ADGRF4: variants seen among roughly 807,000 people sequenced by gnomAD.
The protein encoded by ADGRF4 is G-protein coupled receptor PGR18.
A neutral mutation model predicts 58.5 loss-of-function variants in ADGRF4; 63 were observed. That is an observed-to-expected ratio of 1.08 (90% CI 0.88 to 1.33). The LOEUF (loss-of-function observed/expected upper bound fraction) is 1.33, where lower values mean the gene tolerates loss of function less well. Ranked by LOEUF, ADGRF4 falls within the 40% of genes most tolerant of loss-of-function variation. ADGRF4 has a pLI of 0.00. For synonymous variants in ADGRF4, 313 were observed against 295.4 expected (o/e 1.06, Z -0.61); for missense variants, 931 against 843.9 (o/e 1.10, Z -1.28).
Position 47,716,788 on chromosome 6 carries a change from T to A in ADGRF4, c.1933-18T>A. The A allele has an allele frequency of 6.3e-7, 1 of 1,589,170 alleles. No individual in the cohort carries two copies. The highest frequency in any genetic ancestry group is 8.6e-7 in the Non-Finnish European group (1 of 1,162,308). On this transcript the variant is annotated intron_variant, in intron 6 of 9. Coordinates refer to ENST00000283303, the MANE Select transcript of ADGRF4 (RefSeq NM_153838.5). ...TTTGAAAAACCATCCCTCATGAATC[T>A]GTTCAATTTTGCCACAGGGTTTTTT...
chr6:47,710,648 C>G (rs533909304), intron 3 of ADGRF4, 87 bp from the exon 4 acceptor site: 2 of 1,399,564 alleles, frequency 1.4e-6, no homozygotes, highest in Non-Finnish European at 1.9e-6. Context: ...ATCCAAAAAT[C>G]TCCAGAATGA....
chr6:47,709,480 T>C (rs1376791923), intron 3 of ADGRF4, among the ~76,000 whole-genome samples: 1 of 152,160 alleles, frequency 6.6e-6, no homozygotes, highest in Non-Finnish European at 1.5e-5. Context: ...CTGGCTAGAA[T>C]TACCATATTT....
rs766212816 is a variant in ADGRF4 at position 47,717,309 on chromosome 6, G to T, written c.1992G>T (p.Arg664Ser). Reference protein sequence around the residue: ...IMDHKIRDALRMRMSSLKGKS... With the variant: ...IMDHKIRDALSMRMSSLKGKS... ...TTCTTTAGATAAGAGATGCTTTGAG[G>T]ATGAGGATGTCTTCACTGAAGGGGA... is the stretch of plus-strand genomic sequence containing the variant. The change falls in exon 8 of 10, where the codon AGG becomes AGT. Residue 664 changes from arginine to serine, a missense_variant. Arg to Ser is a moderately radical substitution (Grantham distance 110, BLOSUM62 -1). Transcript: ENST00000283303. The T allele has an allele frequency of 3.7e-6, 6 of 1,611,340 alleles. No individual in the cohort carries two copies. Among genetic ancestry groups the T allele is most frequent in the Non-Finnish European group, 5.1e-6 (6 of 1,177,482 alleles).
chr6:47,714,597 T>G lies in ADGRF4; in HGVS notation c.1352T>G (p.Leu451Arg). 6.2e-7 allele frequency: 1 copy of G among 1,614,192 alleles called. No individual in the cohort carries two copies. Among genetic ancestry groups the G allele is most frequent in the South Asian group, 1.1e-5 (1 of 91,090 alleles). ...ATCGTGAATATAGCAGTGTCCCTTC[T>G]GACTGCCAATGTGTGGTTTATCATA... ...VCIVNIAVSL[L>R]TANVWFIIGS... The change falls in exon 6 of 10, where the codon CTG becomes CGG. Residue 451 changes from leucine to arginine, a missense_variant. Physicochemically the swap from Leu to Arg is moderately radical, Grantham distance 102 (BLOSUM62 -2). Transcript: ENST00000283303.
In ADGRF4 at chr6:47,714,282, G is replaced by T; in HGVS notation, c.1037G>T (p.Arg346Ile). ...AAGATCAATAAAACCCGCAATGCCAGAGCCCAGTGTGTTGGCTGGCACTCC... is the reference window on the plus strand; with the variant it reads ...AAGATCAATAAAACCCGCAATGCCATAGCCCAGTGTGTTGGCTGGCACTCC... Reference protein sequence around the residue: ...FEKINKTRNARAQCVGWHSKK... With the variant: ...FEKINKTRNAIAQCVGWHSKK... Residue 346 changes from arginine (R) to isoleucine (I), a missense_variant, in exon 6 of 10, where the codon AGA becomes ATA. Arg to Ile is a moderately conservative substitution (Grantham distance 97). Transcript: ENST00000283303. 6.2e-7 allele frequency: 1 copy of T among 1,614,208 alleles called. No homozygotes were observed. The highest frequency in any genetic ancestry group is 8.5e-7 in the Non-Finnish European group (1 of 1,180,040).
rs768897472 is a variant in ADGRF4, at chr6:47,714,148, C to T, written c.903C>T (p.Ile301=). 1.2e-6 allele frequency: 2 copies of T among 1,613,912 alleles called. No individual in the cohort carries two copies. Among genetic ancestry groups the T allele is most frequent in the East Asian group, 2.2e-5 (1 of 44,884 alleles). ...ISIAFPTLGA[I]LREAHLQNVS... is the part of the protein sequence containing the mutation. ...TAGCTTTCCCAACCTTGGGGGCTAT[C>T]CTGAGAGAAGCCCACTTGCAAAATG... The change falls in exon 6 of 10, where the codon ATC becomes ATT. Residue 301 remains isoleucine, a synonymous_variant. Transcript: ENST00000283303.
chr6:47,717,764 A>G (rs1407247487), intron 8 of ADGRF4, among the ~76,000 whole-genome samples: 1 of 152,246 alleles, frequency 6.6e-6, no homozygotes, highest in East Asian at 1.9e-4. Context: ...GCTAATCAGT[A>G]GCAGAATCAC....
chr6:47,704,969 C>T (rs1362458373), intron 1 of ADGRF4, among the ~76,000 whole-genome samples: 1 of 152,088 alleles, frequency 6.6e-6, no homozygotes, highest in Non-Finnish European at 1.5e-5. Flanking sequence ...CCATCTGTCA[C>T]TCAGGCTGGA....
At chr6:47,713,346 A>T (rs1411145501) in intron 5 of ADGRF4, among the ~76,000 whole-genome samples, 1 of 152,226 alleles carries the variant, frequency 6.6e-6, no homozygotes, top group Non-Finnish European at 1.5e-5. Context: ...GAGTTAAACA[A>T]AGTTAGGCAA....
At position 47,720,256 on chromosome 6, in the gene ADGRF4, G is replaced by T. The variant is rs1049168156; in HGVS notation, c.*4-953G>T. Among the ~76,000 whole-genome samples the T allele has an allele frequency of 2.0e-5, 3 of 152,188 alleles. No individual in the cohort carries two copies. The South Asian group carries it at 6.2e-4, about 32-fold the overall frequency. On this transcript the variant is annotated intron_variant, in intron 9 of 9. Coordinates refer to ENST00000283303, the MANE Select transcript of ADGRF4 (RefSeq NM_153838.5). The stretch of plus-strand genomic sequence containing the variant: ...TCAGGGCAAAACCCCAGGCACACTG[G>T]GGGTGTTTGGTAAGCACCAGGAGAG...
intron 9 of ADGRF4, among the ~76,000 whole-genome samples, chr6:47,720,501 C>G (rs2113911572): frequency 6.6e-6 from 1 of 152,286 alleles, no homozygotes; most frequent in East Asian, 1.9e-4. Context: ...TTCTTAGAAA[C>G]AGGGTTGAGA....
chr6:47,718,563 G>T, intron 9 of ADGRF4, 118 bp downstream of exon 9: 1 of 704,258 alleles, frequency 1.4e-6, no homozygotes, highest in Admixed American at 2.1e-5. Context: ...GAGGGGAAGA[G>T]GGGGACATCT....
Position 47,714,108 on chromosome 6 carries a change from CCCAAGCCATTAG to C in ADGRF4, c.865_876del (p.Gln289_Ser292del), listed in dbSNP as rs1207057467. 2.5e-6 allele frequency: 4 copies of C among 1,613,866 alleles called. No homozygotes were observed. Among genetic ancestry groups the C allele is most frequent in the Non-Finnish European group, 3.4e-6 (4 of 1,179,972 alleles). On this transcript the variant is annotated inframe_deletion, in exon 6 of 10. Transcript: ENST00000283303. ...CTAAGGAAGCTGTGGCCAAATGCAT[CCCAAGCCATTAG>C]CATAGCTTTCCCAACCTTGGGGGCT...
intron 4 of ADGRF4, among the ~76,000 whole-genome samples, chr6:47,711,225 TAATC>T (rs1347632439): frequency 6.6e-6 from 1 of 152,196 alleles, no homozygotes; most frequent in Non-Finnish European, 1.5e-5. Context: ...GATAATCAGT[TAATC>T]AACTAAATGT....
In ADGRF4 at chr6:47,714,044, G is replaced by C. The variant is rs372713361; in HGVS notation, c.799G>C (p.Glu267Gln). 6.2e-7 allele frequency: 1 copy of C among 1,613,250 alleles called. No individual in the cohort carries two copies. The highest frequency in any genetic ancestry group is 2.2e-5 in the East Asian group (1 of 44,872). ...CTCCATGAGCATGAACAATACCACA[G>C]AAGATATCTTAGGAATGGTACAGAT... is the stretch of plus-strand genomic sequence containing the variant. ...NFSMSMNNTTEDILGMVQIPR... is the reference protein window; with the variant it reads ...NFSMSMNNTTQDILGMVQIPR... The change falls in exon 6 of 10, where the codon GAA becomes CAA. Residue 267 changes from glutamate (E) to glutamine (Q), a missense_variant. Transcript: ENST00000283303.
chr6:47,711,410 G>C (rs1057149464), intron 4 of ADGRF4, among the ~76,000 whole-genome samples: 3 of 152,050 alleles, frequency 2.0e-5, no homozygotes, highest in Admixed American at 1.3e-4. Flanking sequence ...CTATAGGCAC[G>C]TGCCACCACA....
Position 47,714,529 on chromosome 6 carries a change from C to T in ADGRF4, c.1284C>T (p.Ser428=). 6.2e-7 allele frequency: 1 copy of T among 1,614,080 alleles called. No homozygotes were observed. Among genetic ancestry groups the T allele is most frequent in the East Asian group, 2.2e-5 (1 of 44,868 alleles). ...LCLIIEATVW[S]RVVVTEISYM... ...TGATCATTGAAGCCACAGTGTGGTC[C>T]CGGGTGGTTGTGACGGAGATATCAT... The change falls in exon 6 of 10, where the codon TCC becomes TCT. Residue 428 remains serine, a synonymous_variant. Coordinates refer to ENST00000283303, the MANE Select transcript of ADGRF4 (RefSeq NM_153838.5).
chr6:47,716,490 G>A (rs560533619), intron 6 of ADGRF4, among the ~76,000 whole-genome samples: 96 of 152,292 alleles, frequency 6.3e-4, no homozygotes, highest in Middle Eastern at 3.4e-3. Context: ...GTCATCACGA[G>A]TAGAAACAGC....
intron 9 of ADGRF4, among the ~76,000 whole-genome samples, chr6:47,719,784 A>G (rs566727419): frequency 6.6e-6 from 1 of 152,334 alleles, no homozygotes; most frequent in African/African-American, 2.4e-5. Flanking sequence ...AGGCAAGATC[A>G]GGAGCTACAC....
Sources: allele counts gnomAD v4.1 joint callset (sites outside exome capture counted in the v4.1 genomes callset), GRCh38; gene constraint gnomAD v4.1.1; transcripts MANE v1.5; gene names NCBI Gene and HGNC (gene_info 2026-07-23, HGNC 2026-07-21).